The following PTPRD variants were observed in gnomAD, a reference collection of about 807,000 sequenced individuals.
PTPRD encodes receptor-type tyrosine-protein phosphatase delta.
Under a neutral mutation model 214.5 loss-of-function variants are expected in PTPRD, and 34 were observed. The ratio of observed to expected loss-of-function variants is 0.16; its 90% CI spans 0.12 to 0.21. PTPRD has a LOEUF of 0.21. PTPRD is among the 10% of genes least tolerant of loss of function. The pLI, the probability that PTPRD is intolerant of heterozygous loss-of-function variation, is 1.00. For missense variants in PTPRD, 2,545 were observed against 2,398.7 expected (o/e 1.06, Z -1.27); for synonymous variants, 1,128 against 845.7 (o/e 1.33, Z -5.79).
intron 3 of PTPRD, among the ~76,000 whole-genome samples, chr9:10,138,633 A>T: frequency 6.6e-6 from 1 of 152,098 alleles, no homozygotes; most frequent in African/African-American, 2.4e-5. Context: ...CCTGATAAGC[A>T]TAGACAAAAC....
intron 2 of PTPRD, among the ~76,000 whole-genome samples, chr9:10,571,840 T>G (rs1163795611): frequency 6.6e-6 from 1 of 152,112 alleles, no homozygotes; most frequent in African/African-American, 2.4e-5. Flanking sequence ...TTCATGCTCC[T>G]GTGAGAATTG....
intron 3 of PTPRD, among the ~76,000 whole-genome samples, chr9:10,262,408 CA>C (rs1164527760): frequency 2.0e-5 from 3 of 152,186 alleles, no homozygotes; most frequent in Non-Finnish European, 4.4e-5. Context: ...CGGTATGTGA[CA>C]GGGGAGAAAT....
intron 14 of PTPRD, among the ~76,000 whole-genome samples, chr9:8,614,869 T>C (rs979351260): frequency 2.0e-5 from 3 of 152,142 alleles, no homozygotes; most frequent in African/African-American, 4.8e-5. Context: ...AATCTACATA[T>C]GGCAAGTAAC....
intron 5 of PTPRD, among the ~76,000 whole-genome samples, chr9:9,842,032 T>C (rs1169937189): frequency 6.6e-6 from 1 of 152,026 alleles, no homozygotes; most frequent in Non-Finnish European, 1.5e-5. Flanking sequence ...TGTTTAATAT[T>C]GGGAAAAATT....
intron 5 of PTPRD, among the ~76,000 whole-genome samples, chr9:9,827,764 A>T (rs1475477298): frequency 6.6e-6 from 1 of 152,192 alleles, no homozygotes; most frequent in Non-Finnish European, 1.5e-5. Flanking sequence ...CTCATCTGAC[A>T]AAGGGCTAAT....
chr9:9,490,879 T>C (rs1242232996), intron 8 of PTPRD, among the ~76,000 whole-genome samples: 1 of 136,808 alleles, frequency 7.3e-6, no homozygotes, highest in African/African-American at 2.9e-5. Context: ...TTATTAGTAA[T>C]TAATATAAAT....
intron 4 of PTPRD, among the ~76,000 whole-genome samples, chr9:9,997,214 A>G (rs770233280): frequency 6.6e-6 from 1 of 152,238 alleles, no homozygotes; most frequent in African/African-American, 2.4e-5. Flanking sequence ...CTGAAATTAA[A>G]AAGATATTCA....
chr9:9,245,656 T>C (rs1594454935), intron 9 of PTPRD, among the ~76,000 whole-genome samples: 1 of 151,978 alleles, frequency 6.6e-6, no homozygotes, highest in Non-Finnish European at 1.5e-5. Flanking sequence ...CATTAGGAGA[T>C]ATACTTAATG....
intron 8 of PTPRD, among the ~76,000 whole-genome samples, chr9:9,426,243 G>T (rs2080865727): frequency 6.6e-6 from 1 of 152,164 alleles, no homozygotes; most frequent in Non-Finnish European, 1.5e-5. Flanking sequence ...TTAGCAAATG[G>T]CACACCAGGA....
chr9:9,056,098 T>C lies in PTPRD; in HGVS notation c.-142-37363A>G, dbSNP rs117134418. ...TAGTACCAAGTGAACATTATTGTTG[T>C]TTTCTAGACTATTAGTTGTTTTCTA... On this transcript the variant is annotated intron_variant, in intron 10 of 45. Coordinates refer to ENST00000381196, the MANE Select transcript of PTPRD (RefSeq NM_002839.4). 5.2e-3 allele frequency among the ~76,000 whole-genome samples: 785 copies of C among 152,240 alleles called. 10 individuals carry two copies. Among genetic ancestry groups the C allele is most frequent in the East Asian group, 0.043 (220 of 5,164 alleles).
intron 5 of PTPRD, among the ~76,000 whole-genome samples, chr9:9,885,109 A>G (rs1209382807): frequency 1.3e-5 from 2 of 152,128 alleles, no homozygotes; most frequent in African/African-American, 4.8e-5. Flanking sequence ...TAAAAATTCA[A>G]TGATAGAGCT....
intron 7 of PTPRD, among the ~76,000 whole-genome samples, chr9:9,732,861 A>T (rs1042877601): frequency 6.6e-6 from 1 of 151,680 alleles, no homozygotes; most frequent in Non-Finnish European, 1.5e-5. Flanking sequence ...AGGTAGGAGG[A>T]TTTCTTGAAC....
intron 11 of PTPRD, among the ~76,000 whole-genome samples, chr9:8,755,627 A>G (rs1282662065): frequency 1.3e-5 from 2 of 152,206 alleles, no homozygotes; most frequent in Admixed American, 6.5e-5. Context: ...ATAAAATCAA[A>G]TACTTGTTTA....
chr9:9,254,948 C>G (rs551331065), intron 9 of PTPRD, among the ~76,000 whole-genome samples: 1 of 151,966 alleles, frequency 6.6e-6, no homozygotes, highest in Non-Finnish European at 1.5e-5. Flanking sequence ...CTAAAATATC[C>G]ATTATTCAAA....
intron 2 of PTPRD, among the ~76,000 whole-genome samples, chr9:10,563,064 T>G (rs192126118): frequency 5.0e-4 from 76 of 152,272 alleles, no homozygotes; most frequent in African/African-American, 1.8e-3. Flanking sequence ...GGAATGCCTA[T>G]CCTTCAAATA....
In PTPRD at chr9:10,368,597, C is replaced by A. The variant is rs965351410; in HGVS notation, c.-599-27580G>T. Reference sequence around the variant, plus strand: ...CAGAAATATTAGAAAGAATACAGAACATTGTAATTGAGTAATTTTAGGAAA... The same window carrying A: ...CAGAAATATTAGAAAGAATACAGAAAATTGTAATTGAGTAATTTTAGGAAA... On this transcript the variant is annotated intron_variant, in intron 2 of 45. Coordinates refer to ENST00000381196, the MANE Select transcript of PTPRD (RefSeq NM_002839.4). Among the ~76,000 whole-genome samples the A allele has an allele frequency of 2.0e-5, 3 of 151,902 alleles. No homozygotes were observed. In the South Asian group the frequency reaches 6.2e-4, roughly 31 times the overall value.
intron 12 of PTPRD, among the ~76,000 whole-genome samples, chr9:8,637,211 G>A (rs1007543682): frequency 3.9e-5 from 6 of 152,246 alleles, no homozygotes; most frequent in Admixed American, 2.0e-4. Context: ...AAATTTTAGC[G>A]CTTGCTTTGA....
At chr9:10,480,680 A>G (rs2099092380) in intron 2 of PTPRD, among the ~76,000 whole-genome samples, 2 of 152,208 alleles carry the variant, frequency 1.3e-5, no homozygotes, top group East Asian at 1.9e-4. Context: ...TTACAGGAAT[A>G]TTTTTCAATG....
intron 13 of PTPRD, among the ~76,000 whole-genome samples, chr9:8,634,808 T>C (rs1047434856): frequency 5.3e-5 from 8 of 151,864 alleles, no homozygotes; most frequent in Non-Finnish European, 7.4e-5. Flanking sequence ...AATGTCATTG[T>C]ATGTTTACAT....
Sources: gnomAD v4.1 joint callset for allele counts (sites outside exome capture counted in the v4.1 genomes callset) on GRCh38, gnomAD v4.1.1 for gene constraint, MANE v1.5 for transcripts, NCBI Gene and HGNC (gene_info 2026-07-23, HGNC 2026-07-21) for gene names.